Variants in FLRT2 observed in about 807,000 individuals in gnomAD.
FLRT2 encodes fibronectin leucine rich transmembrane protein 2, also known as leucine-rich repeat transmembrane protein FLRT2.
FLRT2 carries 15 observed loss-of-function variants against 40.0 expected under a neutral mutation model. That is an observed-to-expected ratio of 0.38 (90% CI 0.25 to 0.58). The LOEUF (loss-of-function observed/expected upper bound fraction) is 0.58. Ranked by LOEUF, FLRT2 falls within the 20% of genes least tolerant of loss-of-function variation. The pLI is 0.71. For missense variants in FLRT2, 726 were observed against 840.0 expected, an observed-to-expected ratio of 0.86 and a Z score of 1.68; for synonymous variants, 380 against 336.8, an observed-to-expected ratio of 1.13 and a Z score of -1.41.
chr14:85,618,484 G>A (rs932997044), intron 1 of FLRT2, among the ~76,000 whole-genome samples: 2 of 152,054 alleles, frequency 1.3e-5, no homozygotes, highest in Non-Finnish European at 2.9e-5. Context: ...GTGGGCTCCG[G>A]TGATGACAAG....
At position 85,630,970 on chromosome 14, in the gene FLRT2, G is replaced by A. The variant is rs1284295266; in HGVS notation, c.*7473G>A. ...TGCTTGCAAAACATGCGTTTTTATT[G>A]CTTGCAAGATAGAATTCAAACTCTT... is the stretch of plus-strand genomic sequence containing the variant. On this transcript the variant is annotated 3_prime_UTR_variant, in exon 2 of 2. Transcript: ENST00000330753. The A allele has an allele frequency of 6.6e-6, 1 of 151,432 alleles. No individual in the cohort carries two copies. Among genetic ancestry groups the A allele is most frequent in the Non-Finnish European group, 1.5e-5 (1 of 67,944 alleles). The allele number at this position is 151,432 out of a possible 1,614,324, so 9.4% of individuals were successfully genotyped here.
At chr14:85,588,417 A>G (rs1891729435) in intron 1 of FLRT2, among the ~76,000 whole-genome samples, 1 of 151,426 alleles carries the variant, frequency 6.6e-6, no homozygotes, top group Admixed American at 6.6e-5. Flanking sequence ...TTGGCCTTCT[A>G]GAAATTAAAT....
chr14:85,611,662 G>A (rs998206560), intron 1 of FLRT2, among the ~76,000 whole-genome samples: 1 of 152,274 alleles, frequency 6.6e-6, no homozygotes, highest in East Asian at 1.9e-4. Flanking sequence ...TCAAGCTTGG[G>A]AGTGTAGCTA....
At chr14:85,611,397 C>A (rs189962899) in intron 1 of FLRT2, among the ~76,000 whole-genome samples, 2 of 152,210 alleles carry the variant, frequency 1.3e-5, no homozygotes, top group Admixed American at 1.3e-4. Context: ...GAGAGGGTTG[C>A]GGGCTAATCC....
At chr14:85,585,240 T>C (rs1433697479) in intron 1 of FLRT2, among the ~76,000 whole-genome samples, 2 of 152,202 alleles carry the variant, frequency 1.3e-5, no homozygotes, top group Non-Finnish European at 2.9e-5. Flanking sequence ...TCTTCAGGTT[T>C]GACGGAAGTG....
In FLRT2 at chr14:85,630,865, T is replaced by C. The variant is rs1893849444; in HGVS notation, c.*7368T>C. The C allele has an allele frequency of 6.6e-6, 1 of 152,036 alleles. No homozygotes were observed. The highest frequency in any genetic ancestry group is 2.1e-4 in the South Asian group (1 of 4,832). 9.4% of individuals were successfully genotyped at this position (152,036 alleles called of 1,614,324 possible). A position where few individuals can be genotyped will look rare whatever the true frequency, so the allele number is the denominator to read the frequency against. Reference sequence around the variant, plus strand: ...GGTTAAGACCCTTCCTTTAGTCTTTTTCTAATTTAGCCTTTCCAACACATT... The same window carrying C: ...GGTTAAGACCCTTCCTTTAGTCTTTCTCTAATTTAGCCTTTCCAACACATT... On this transcript the variant is annotated 3_prime_UTR_variant, in exon 2 of 2. Transcript: ENST00000330753.
At chr14:85,562,034 G>A (rs1890361157) in intron 1 of FLRT2, among the ~76,000 whole-genome samples, 1 of 152,132 alleles carries the variant, frequency 6.6e-6, no homozygotes, top group Non-Finnish European at 1.5e-5. Flanking sequence ...ATTGAAACTG[G>A]TCTCAAGATA....
Position 85,622,522 on chromosome 14 carries a change from T to C in FLRT2, c.1008T>C (p.Gly336=), listed in dbSNP as rs372275133. 34 of 1,613,898 alleles carry C rather than the reference T, an allele frequency of 2.1e-5. No individual in the cohort carries two copies. The African/African-American group carries it at 3.6e-4, about 17-fold the overall frequency. Residue 336 remains glycine (G), a synonymous_variant, in exon 2 of 2, where the codon GGT becomes GGC. Transcript: ENST00000330753. ...TCCCTTCATCTCTCAACGTGCGGGG[T>C]TTCATGTGCCAAGGTCCTGAACAAG... is the stretch of plus-strand genomic sequence containing the variant. The part of the protein sequence containing the change: ...KYIPSSLNVR[G]FMCQGPEQVR...
In FLRT2 at chr14:85,647,309, T is replaced by C. The variant is rs781334508; in HGVS notation, c.*23812T>C. On this transcript the variant is annotated 3_prime_UTR_variant, in exon 2 of 2. Coordinates refer to ENST00000330753, the MANE Select transcript of FLRT2 (RefSeq NM_013231.6). ...TAACTTACTTAACAGAGGAGTTTTG[T>C]TTTCTTGTTATCTGTAGCAGAATTG... 4 of 152,196 alleles carry C rather than the reference T, an allele frequency of 2.6e-5. No individual in the cohort carries two copies. Among genetic ancestry groups the C allele is most frequent in the Non-Finnish European group, 4.4e-5 (3 of 68,036 alleles). The allele number at this position is 152,196 out of a possible 1,614,324, so 9.4% of individuals were successfully genotyped here.
At chr14:85,553,233 A>C (rs1889748682) in intron 1 of FLRT2, among the ~76,000 whole-genome samples, 2 of 152,164 alleles carry the variant, frequency 1.3e-5, no homozygotes, top group African/African-American at 4.8e-5. Context: ...ATTAAGGTTT[A>C]TTGGCCACAA....
At position 85,626,041 on chromosome 14, in the gene FLRT2, G is replaced by C. The variant is rs1893669557; in HGVS notation, c.*2544G>C. ...TGGTCTGACAGGGTCCCTTTTGCTGGAGGTGTTCCTGAAGAGATTGAACCT... is the reference window on the plus strand; with the variant it reads ...TGGTCTGACAGGGTCCCTTTTGCTGCAGGTGTTCCTGAAGAGATTGAACCT... On this transcript the variant is annotated 3_prime_UTR_variant, in exon 2 of 2. Transcript: ENST00000330753. 6.0e-6 allele frequency: 1 copy of C among 167,056 alleles called. No homozygotes were observed. The highest frequency in any genetic ancestry group is 6.5e-5 in the Admixed American group (1 of 15,290). The allele number at this position is 167,056 out of a possible 1,614,324, so 10.3% of individuals were successfully genotyped here. A position where few individuals can be genotyped will look rare whatever the true frequency, so the allele number is the denominator to read the frequency against.
chr14:85,608,184 C>T (rs1892708819), intron 1 of FLRT2, among the ~76,000 whole-genome samples: 1 of 152,024 alleles, frequency 6.6e-6, no homozygotes, highest in South Asian at 2.1e-4. Flanking sequence ...ACAGTTTAGT[C>T]CATTAACAGT....
At chr14:85,578,726 G>A (rs967860485) in intron 1 of FLRT2, among the ~76,000 whole-genome samples, 2 of 152,100 alleles carry the variant, frequency 1.3e-5, no homozygotes, top group South Asian at 2.1e-4. Flanking sequence ...AACCCAGGGG[G>A]CATTCTTTCA....
At chr14:85,612,084 A>T (rs1322789887) in intron 1 of FLRT2, among the ~76,000 whole-genome samples, 1 of 134,172 alleles carries the variant, frequency 7.5e-6, no homozygotes, top group Non-Finnish European at 1.6e-5. Flanking sequence ...AAAAAAAAAA[A>T]GACTAAGTCA....
intron 1 of FLRT2, among the ~76,000 whole-genome samples, chr14:85,587,148 G>T (rs965201008): frequency 3.9e-5 from 6 of 151,920 alleles, no homozygotes; most frequent in African/African-American, 1.5e-4. Context: ...GTTGTACTTC[G>T]CTTTCAAAAT....
chr14:85,539,544 G>A (rs1955407), intron 1 of FLRT2, among the ~76,000 whole-genome samples: 133,426 of 152,104 alleles, frequency 0.88, 59,227 homozygotes, highest in Non-Finnish European at 0.95. Context: ...AGATTGCTTT[G>A]GGGGAAGGAA....
intron 1 of FLRT2, among the ~76,000 whole-genome samples, chr14:85,581,706 A>G (rs1180561792): frequency 1.3e-5 from 2 of 152,170 alleles, no homozygotes; most frequent in African/African-American, 4.8e-5. Context: ...ATAGAAATGG[A>G]TTGTATATAA....
intron 1 of FLRT2, among the ~76,000 whole-genome samples, chr14:85,532,663 C>T (rs1215177378): frequency 6.6e-6 from 1 of 152,034 alleles, no homozygotes; most frequent in Non-Finnish European, 1.5e-5. Flanking sequence ...TTAAATTAAT[C>T]CTATTAAATT....
chr14:85,535,379 G>T (rs1888587128), intron 1 of FLRT2, among the ~76,000 whole-genome samples: 1 of 149,316 alleles, frequency 6.7e-6, no homozygotes, highest in Non-Finnish European at 1.5e-5. Flanking sequence ...ACAACATTTT[G>T]AGGTAAATAG....
Sources: allele counts gnomAD v4.1 joint callset (sites outside exome capture counted in the v4.1 genomes callset), GRCh38; gene constraint gnomAD v4.1.1; transcripts MANE v1.5; gene names NCBI Gene and HGNC (gene_info 2026-07-23, HGNC 2026-07-21).